The following AGMO variants were observed in gnomAD, a reference collection of about 807,000 sequenced individuals.
AGMO encodes alkylglycerol monooxygenase, also known as glyceryl-ether monooxygenase.
A neutral mutation model predicts 60.2 loss-of-function variants in AGMO; 75 were observed. The observed-to-expected ratio is 1.25, with a 90% confidence interval of 1.03 to 1.51. AGMO has a LOEUF of 1.51. Among genes scored for constraint, AGMO ranks in the 40% most tolerant of loss-of-function variants. The probability of loss-of-function intolerance (pLI) is 0.00; values close to 1 mark genes in which losing one functional copy is unlikely to be tolerated. For missense variants in AGMO, 763 were observed against 525.5 expected, an observed-to-expected ratio of 1.45 and a Z score of -4.42; for synonymous variants, 261 against 177.1, an observed-to-expected ratio of 1.47 and a Z score of -3.76.
chr7:15,476,008 T>C (rs1315072471), intron 3 of AGMO, among the ~76,000 whole-genome samples: 1 of 152,042 alleles, frequency 6.6e-6, no homozygotes, highest in African/African-American at 2.4e-5. Flanking sequence ...ATGACCATGG[T>C]AAGTGAGATA....
intron 3 of AGMO, among the ~76,000 whole-genome samples, chr7:15,506,289 C>T (rs1410270744): frequency 6.6e-6 from 1 of 151,114 alleles, no homozygotes; most frequent in Non-Finnish European, 1.5e-5. Context: ...TTTTTTTTTA[C>T]AAATAAGGAA....
At chr7:15,456,158 A>G (rs1297039620) in intron 3 of AGMO, among the ~76,000 whole-genome samples, 1 of 152,018 alleles carries the variant, frequency 6.6e-6, no homozygotes, top group Non-Finnish European at 1.5e-5. Context: ...GTGTTTGGAT[A>G]ATTTTATTTC....
chr7:15,358,741 ATC>A lies in AGMO; in HGVS notation c.1263+6771_1263+6772del, dbSNP rs573339955. Among the ~76,000 whole-genome samples the A allele has an allele frequency of 3.4e-4, 52 of 152,280 alleles. No homozygotes were observed. The South Asian group carries it at 9.1e-3, about 27-fold the overall frequency. ...CTCCCAGAACATGTCTTTGTGGTAA[ATC>A]TCTGTCACCCAATGCCAGCAAGAGA... On this transcript the variant is annotated intron_variant, in intron 12 of 12. Coordinates refer to ENST00000342526, the MANE Select transcript of AGMO (RefSeq NM_001004320.2).
At chr7:15,376,274 T>C (rs1437010022) in intron 10 of AGMO, among the ~76,000 whole-genome samples, 1 of 151,960 alleles carries the variant, frequency 6.6e-6, no homozygotes, top group Non-Finnish European at 1.5e-5. Flanking sequence ...AGAAAAACAG[T>C]ATACCCTGGA....
At chr7:15,211,071 ACT>A (rs972700321) in intron 12 of AGMO, among the ~76,000 whole-genome samples, 1 of 151,924 alleles carries the variant, frequency 6.6e-6, no homozygotes, top group Non-Finnish European at 1.5e-5. Flanking sequence ...AGAAAAAAAA[ACT>A]CTGAAAAAGG....
At chr7:15,179,921 G>A in the AGMO span, among the ~76,000 whole-genome samples, 1 of 152,196 alleles carries the variant, frequency 6.6e-6, no homozygotes, top group Non-Finnish European at 1.5e-5. Flanking sequence ...GATTGCCACA[G>A]GGGTACTGTG....
intron 12 of AGMO, among the ~76,000 whole-genome samples, chr7:15,275,007 G>A (rs1465883341): frequency 1.3e-5 from 2 of 151,052 alleles, no homozygotes; most frequent in Admixed American, 6.6e-5. Context: ...TTTTCATTTT[G>A]TTGATCTTTT....
At chr7:15,488,953 T>A in intron 3 of AGMO, among the ~76,000 whole-genome samples, 1 of 152,204 alleles carries the variant, frequency 6.6e-6, no homozygotes, top group Non-Finnish European at 1.5e-5. Flanking sequence ...TTGGGATTTC[T>A]CTTCAAACTG....
chr7:15,364,586 A>G (rs7786312), intron 12 of AGMO, among the ~76,000 whole-genome samples: 87,585 of 151,786 alleles, frequency 0.58, 26,200 homozygotes, highest in African/African-American at 0.75. Context: ...ATAATATTGC[A>G]TATACACCGA....
chr7:15,461,256 T>C (rs1375108421), intron 3 of AGMO, among the ~76,000 whole-genome samples: 1 of 151,942 alleles, frequency 6.6e-6, no homozygotes, highest in Admixed American at 6.6e-5. Flanking sequence ...TAGAATTTTA[T>C]ATATAAAGAT....
the AGMO span, among the ~76,000 whole-genome samples, chr7:15,180,083 G>A: frequency 1.3e-5 from 2 of 152,118 alleles, no homozygotes; most frequent in South Asian, 4.1e-4. Flanking sequence ...TGCCTTTGGG[G>A]TCTTTATTAT....
chr7:15,276,119 G>T (rs1783778654), intron 12 of AGMO, among the ~76,000 whole-genome samples: 1 of 152,136 alleles, frequency 6.6e-6, no homozygotes, highest in South Asian at 2.1e-4. Context: ...TGCTCTATAG[G>T]ATCTGTGAGC....
intron 12 of AGMO, among the ~76,000 whole-genome samples, chr7:15,274,235 T>G (rs901714323): frequency 6.6e-6 from 1 of 152,206 alleles, no homozygotes; most frequent in Non-Finnish European, 1.5e-5. Context: ...TTTTTGCCCA[T>G]TCAGTATGAT....
chr7:15,413,272 A>C (rs2128492897), intron 5 of AGMO, among the ~76,000 whole-genome samples: 1 of 152,300 alleles, frequency 6.6e-6, no homozygotes, highest in South Asian at 2.1e-4. Flanking sequence ...AGACAAATTA[A>C]TATGTTATTC....
At chr7:15,316,663 AAT>A (rs1563083043) in intron 12 of AGMO, among the ~76,000 whole-genome samples, 1 of 152,166 alleles carries the variant, frequency 6.6e-6, no homozygotes, top group Non-Finnish European at 1.5e-5. Flanking sequence ...AGGGGATAAT[AAT>A]AGATACTTTA....
the AGMO span, among the ~76,000 whole-genome samples, chr7:15,136,408 A>T: frequency 1.3e-5 from 2 of 151,912 alleles, no homozygotes; most frequent in African/African-American, 2.4e-5. Flanking sequence ...GCACTATTCC[A>T]TTTATATAAT....
intron 12 of AGMO, among the ~76,000 whole-genome samples, chr7:15,273,678 T>C (rs551933824): frequency 3.8e-4 from 58 of 152,308 alleles, no homozygotes; most frequent in Non-Finnish European, 4.1e-4. Flanking sequence ...GGTAGGTTGA[T>C]GGGGATGGCA....
At position 15,533,556 on chromosome 7, in the gene AGMO, G is replaced by C. The variant is rs557302803; in HGVS notation, c.409+11216C>G. ...CTTTGTTTTCTCTTCCTACTCATTT[G>C]GTTTTATGCTTTACGTGCAGTTCAC... On this transcript the variant is annotated intron_variant, in intron 3 of 12. Coordinates refer to ENST00000342526, the MANE Select transcript of AGMO (RefSeq NM_001004320.2). Among the ~76,000 whole-genome samples, 160 of 151,980 alleles carry C rather than the reference G, an allele frequency of 1.1e-3. 1 individual carries two copies. Among genetic ancestry groups the C allele is most frequent in the African/African-American group, 3.7e-3 (154 of 41,470 alleles).
At chr7:15,326,588 A>G (rs1180151403) in intron 12 of AGMO, among the ~76,000 whole-genome samples, 1 of 152,166 alleles carries the variant, frequency 6.6e-6, no homozygotes, top group Non-Finnish European at 1.5e-5. Context: ...CCACTGATTA[A>G]TGAAATATTC....
Sources: allele counts gnomAD v4.1 joint callset (sites outside exome capture counted in the v4.1 genomes callset), GRCh38; gene constraint gnomAD v4.1.1; transcripts MANE v1.5; gene names NCBI Gene and HGNC (gene_info 2026-07-23, HGNC 2026-07-21).